The following PTPRN2 variants were observed in gnomAD, a reference collection of about 807,000 sequenced individuals.
The protein encoded by PTPRN2 is protein tyrosine phosphatase receptor type N2, also known as receptor-type tyrosine-protein phosphatase N2.
Under a neutral mutation model 118.8 loss-of-function variants are expected in PTPRN2, and 74 were observed. That is an observed-to-expected ratio of 0.62 (90% confidence interval 0.52 to 0.76). The LOEUF (loss-of-function observed/expected upper bound fraction) is 0.76, where lower values mean the gene tolerates loss of function less well. PTPRN2 is among the 30% of genes least tolerant of loss of function. PTPRN2 has a pLI of 0.00. For synonymous variants in PTPRN2, 641 were observed against 608.0 expected (o/e 1.05, Z -0.80); for missense variants, 1,481 against 1,394.4 (o/e 1.06, Z -0.99).
chr7:158,068,629 T>C (rs1810972883), intron 11 of PTPRN2, among the ~76,000 whole-genome samples: 1 of 152,218 alleles, frequency 6.6e-6, no homozygotes, highest in Non-Finnish European at 1.5e-5. Context: ...AACTAAGGTA[T>C]CTACACCTGC....
chr7:157,691,841 A>G lies in PTPRN2; in HGVS notation c.1789-8904T>C, dbSNP rs543885161. 3.2e-4 allele frequency among the ~76,000 whole-genome samples: 49 copies of G among 152,104 alleles called. 2 individuals are homozygous for G. In the South Asian group the frequency reaches 0.01, roughly 32 times the overall value. ...CGAGAAGAGCTAGGGTCTCGGGGCG[A>G]CTAGGACCACTGAGCACCTCCCCCC... is the stretch of plus-strand genomic sequence containing the variant. On this transcript the variant is annotated intron_variant, in intron 12 of 22. Coordinates refer to ENST00000389418, the MANE Select transcript of PTPRN2 (RefSeq NM_002847.5).
intron 12 of PTPRN2, among the ~76,000 whole-genome samples, chr7:157,825,118 C>T (rs1308238073): frequency 3.3e-5 from 5 of 152,308 alleles, no homozygotes; most frequent in Middle Eastern, 3.4e-3. Flanking sequence ...TAGCTGGACA[C>T]GTGGATGAAG....
chr7:157,928,015 G>A (rs773290550), intron 11 of PTPRN2, among the ~76,000 whole-genome samples: 10 of 152,142 alleles, frequency 6.6e-5, no homozygotes, highest in Non-Finnish European at 8.8e-5. Context: ...CAATGGACAC[G>A]TGACAGGTGG....
intron 12 of PTPRN2, chr7:157,854,786 G>A (rs1166198752): frequency 1.3e-5 from 2 of 155,684 alleles, no homozygotes; most frequent in African/African-American, 2.4e-5. Context: ...CTGGGAGGAG[G>A]CCCAGGACAA....
chr7:158,538,298 G>A (rs1441405072), intron 1 of PTPRN2, among the ~76,000 whole-genome samples: 1 of 152,248 alleles, frequency 6.6e-6, no homozygotes, highest in Non-Finnish European at 1.5e-5. Context: ...CTCGTCCGGT[G>A]ACTGGCGCAC....
At chr7:158,468,207 T>C (rs561791062) in intron 2 of PTPRN2, among the ~76,000 whole-genome samples, 1 of 152,362 alleles carries the variant, frequency 6.6e-6, no homozygotes, top group South Asian at 2.1e-4. Flanking sequence ...AATGGCAAAT[T>C]AGTCATTTGC....
At chr7:157,956,505 G>A (rs1171586826) in intron 11 of PTPRN2, among the ~76,000 whole-genome samples, 2 of 152,260 alleles carry the variant, frequency 1.3e-5, no homozygotes, top group Admixed American at 1.3e-4. Flanking sequence ...GACTCAATGT[G>A]CACTCAACAA....
intron 11 of PTPRN2, among the ~76,000 whole-genome samples, chr7:157,940,251 A>T (rs989389292): frequency 2.6e-5 from 4 of 152,200 alleles, no homozygotes; most frequent in East Asian, 3.8e-4. Flanking sequence ...GCCTCAGTGC[A>T]GATTCTTTTC....
chr7:158,397,464 G>A (rs1812607924), intron 2 of PTPRN2, among the ~76,000 whole-genome samples: 4 of 152,196 alleles, frequency 2.6e-5, no homozygotes, highest in Admixed American at 2.6e-4. Flanking sequence ...TCCTCAGATC[G>A]AGACCAGCTC....
At chr7:157,705,520 C>T (rs965841236) in intron 12 of PTPRN2, among the ~76,000 whole-genome samples, 2 of 151,178 alleles carry the variant, frequency 1.3e-5, no homozygotes, top group Admixed American at 6.6e-5. Flanking sequence ...TCCAGATCAA[C>T]GCGGATCACA....
chr7:158,123,672 A>T (rs1409388541), intron 9 of PTPRN2, among the ~76,000 whole-genome samples: 1 of 152,200 alleles, frequency 6.6e-6, no homozygotes, highest in African/African-American at 2.4e-5. Flanking sequence ...CTGTATTCTG[A>T]CAACTTATTT....
chr7:158,051,773 A>G (rs1466329853), intron 11 of PTPRN2, among the ~76,000 whole-genome samples: 1 of 152,236 alleles, frequency 6.6e-6, no homozygotes, highest in Non-Finnish European at 1.5e-5. Flanking sequence ...GTGACTGATT[A>G]AATATGCCTC....
intron 12 of PTPRN2, among the ~76,000 whole-genome samples, chr7:157,747,876 T>C (rs375279514): frequency 1.4e-5 from 2 of 140,966 alleles, no homozygotes; most frequent in Admixed American, 7.2e-5. Flanking sequence ...CCCTGAGCTG[T>C]GGGGTGTCCG....
chr7:158,217,161 C>T (rs536680524), intron 3 of PTPRN2, among the ~76,000 whole-genome samples: 49 of 152,306 alleles, frequency 3.2e-4, no homozygotes, highest in African/African-American at 1.2e-3. Context: ...TGCCAGGGCA[C>T]TTTTGCCAGC....
chr7:157,667,787 C>T lies in PTPRN2; in HGVS notation c.2002-11236G>A, dbSNP rs185199680. On this transcript the variant is annotated intron_variant, in intron 13 of 22. Transcript: ENST00000389418. The stretch of plus-strand genomic sequence containing the variant: ...TTTGTCAGGAACGGTAAACCCAGCG[C>T]GTCCGCACCCAGGCGCAGAAACTCT... Among the ~76,000 whole-genome samples the T allele has an allele frequency of 2.1e-3, 325 of 152,362 alleles. 1 individual carries two copies. The highest frequency in any genetic ancestry group is 3.3e-3 in the Admixed American group (51 of 15,304).
rs1478395983 is a variant in PTPRN2, at chr7:158,171,314, T to TAC, written c.550-4024_550-4023insGT. Among the ~76,000 whole-genome samples, 187 of 98,260 alleles carry TAC rather than the reference T, an allele frequency of 1.9e-3. 10 individuals are homozygous for TAC. The highest frequency in any genetic ancestry group is 7.1e-3 in the African/African-American group (155 of 21,908). The allele number at this position is 98,260 out of a possible 152,430, so 64.5% of individuals were successfully genotyped here. ...ACACACATATATATACACACATATA[T>TAC]ATATATATATATATATATATATATA... On this transcript the variant is annotated intron_variant, in intron 5 of 22. Coordinates refer to ENST00000389418, the MANE Select transcript of PTPRN2 (RefSeq NM_002847.5).
chr7:157,582,995 A>G (rs953582642), intron 17 of PTPRN2, among the ~76,000 whole-genome samples: 3 of 152,172 alleles, frequency 2.0e-5, no homozygotes, highest in Admixed American at 6.5e-5. Context: ...AGGAAATAAA[A>G]TCAGTGTGTG....
intron 2 of PTPRN2, among the ~76,000 whole-genome samples, chr7:158,324,129 TCA>T (rs967570455): frequency 1.2e-4 from 18 of 151,820 alleles, no homozygotes; most frequent in Admixed American, 9.2e-4. Context: ...ATGCACAAAC[TCA>T]CACGCCCACA....
chr7:158,168,427 TCTC>T (rs1237834860), intron 5 of PTPRN2, among the ~76,000 whole-genome samples: 1 of 152,174 alleles, frequency 6.6e-6, no homozygotes, highest in Non-Finnish European at 1.5e-5. Flanking sequence ...TCCTACATCT[TCTC>T]TGAAGAAATG....
Sources: allele counts gnomAD v4.1 joint callset (sites outside exome capture counted in the v4.1 genomes callset), GRCh38; gene constraint gnomAD v4.1.1; transcripts MANE v1.5; gene names NCBI Gene and HGNC (gene_info 2026-07-23, HGNC 2026-07-21).